NLGN1: variants seen among roughly 807,000 people sequenced by gnomAD.
The protein encoded by NLGN1 is neuroligin 1, also known as neuroligin-1.
Under a neutral mutation model 65.5 loss-of-function variants are expected in NLGN1, and 12 were observed. The observed-to-expected ratio is 0.18, with a 90% CI of 0.12 to 0.30. NLGN1 has a LOEUF of 0.30. Ranked by LOEUF, NLGN1 falls within the 10% of genes least tolerant of loss-of-function variation. The pLI is 1.00. For missense variants in NLGN1, 750 were observed against 1,007.1 expected (o/e 0.74, Z 3.46); for synonymous variants, 350 against 359.5 (o/e 0.97, Z 0.30).
At chr3:174,077,716 C>A (rs1741308778) in intron 4 of NLGN1, among the ~76,000 whole-genome samples, 1 of 152,032 alleles carries the variant, frequency 6.6e-6, no homozygotes, top group African/African-American at 2.4e-5. Context: ...CCACCACGCC[C>A]AGCCAATTTT....
chr3:173,841,114 C>T lies in NLGN1; in HGVS notation c.646+33282C>T, dbSNP rs186924484. 4.6e-3 allele frequency among the ~76,000 whole-genome samples: 662 copies of T among 144,512 alleles called. 6 individuals carry two copies. Among genetic ancestry groups the T allele is most frequent in the African/African-American group, 0.017 (618 of 36,822 alleles). The allele number at this position is 144,512 out of a possible 152,430, so 94.8% of individuals were successfully genotyped here. A position where few individuals can be genotyped will look rare whatever the true frequency, so the allele number is the denominator to read the frequency against. On this transcript the variant is annotated intron_variant, in intron 4 of 6. Coordinates refer to ENST00000457714, the Ensembl canonical transcript of NLGN1. ...TTCTTAGAAATACTTTAAAACTCTA[C>T]CAAATAAATTATCATTGTATCTATA...
chr3:173,646,697 A>T (rs1352000178), intron 3 of NLGN1, among the ~76,000 whole-genome samples: 1 of 152,176 alleles, frequency 6.6e-6, no homozygotes, highest in Non-Finnish European at 1.5e-5. Context: ...AAAGAGTTAC[A>T]CCTAATAAGC....
intron 3 of NLGN1, among the ~76,000 whole-genome samples, chr3:173,655,249 TA>T (rs1303867458): frequency 6.6e-6 from 1 of 152,142 alleles, no homozygotes; most frequent in Admixed American, 6.6e-5. Context: ...GCTGTTTCTT[TA>T]CATAAACTCT....
At chr3:173,399,837 T>A (rs1001736684) in intron 1 of NLGN1, 9 of 152,208 alleles carry the variant, frequency 5.9e-5, no homozygotes, top group African/African-American at 1.4e-4. Flanking sequence ...TTTTATAAAA[T>A]TTTTCACATA....
intron 3 of NLGN1, among the ~76,000 whole-genome samples, chr3:173,633,106 G>A (rs1379299628): frequency 1.3e-5 from 2 of 152,080 alleles, no homozygotes. Flanking sequence ...GGAACTAGAA[G>A]TACTTTAGCT....
chr3:173,672,425 A>G (rs148590514), intron 3 of NLGN1, among the ~76,000 whole-genome samples: 17 of 152,334 alleles, frequency 1.1e-4, no homozygotes, highest in African/African-American at 4.1e-4. Context: ...ATTGTTTACA[A>G]CAGAGTCTGT....
At chr3:173,791,817 G>A (rs1254648911) in intron 3 of NLGN1, among the ~76,000 whole-genome samples, 1 of 152,012 alleles carries the variant, frequency 6.6e-6, no homozygotes, top group Non-Finnish European at 1.5e-5. Flanking sequence ...CTTCTGACTA[G>A]CTGTGAGTCC....
chr3:173,531,945 G>T (rs1450298052), intron 2 of NLGN1, among the ~76,000 whole-genome samples: 1 of 152,064 alleles, frequency 6.6e-6, no homozygotes, highest in Non-Finnish European at 1.5e-5. Flanking sequence ...GGGCTCTTCA[G>T]CCAAAGTGGA....
intron 4 of NLGN1, among the ~76,000 whole-genome samples, chr3:174,110,663 G>A (rs555217942): frequency 6.6e-6 from 1 of 152,028 alleles, no homozygotes; most frequent in African/African-American, 2.4e-5. Flanking sequence ...AAGCGTTAAA[G>A]GACATTTGCT....
intron 4 of NLGN1, among the ~76,000 whole-genome samples, chr3:174,068,612 G>A (rs1739166109): frequency 6.6e-6 from 1 of 151,986 alleles, no homozygotes. Context: ...TTGCTTAACA[G>A]AAATATTTGC....
intron 4 of NLGN1, among the ~76,000 whole-genome samples, chr3:173,889,723 G>T (rs1051641493): frequency 6.6e-6 from 1 of 152,096 alleles, no homozygotes. Context: ...TTGTTTGCCT[G>T]CCAACAGCAG....
At chr3:173,652,064 C>T (rs535457541) in intron 3 of NLGN1, among the ~76,000 whole-genome samples, 5 of 151,994 alleles carry the variant, frequency 3.3e-5, no homozygotes, top group South Asian at 4.1e-4. Flanking sequence ...AATGTGCTGG[C>T]GTTACAGGTG....
At chr3:174,239,819 C>G (rs1373735087) in intron 4 of NLGN1, among the ~76,000 whole-genome samples, 1 of 151,664 alleles carries the variant, frequency 6.6e-6, no homozygotes, top group Admixed American at 6.6e-5. Context: ...CATATTTTGA[C>G]CAACTGCAGG....
intron 4 of NLGN1, among the ~76,000 whole-genome samples, chr3:174,259,018 A>G (rs1746335416): frequency 6.6e-6 from 1 of 152,182 alleles, no homozygotes; most frequent in African/African-American, 2.4e-5. Context: ...AATCAGTCAG[A>G]ATAGCTTTTA....
chr3:173,770,099 C>A (rs75437696), intron 3 of NLGN1, among the ~76,000 whole-genome samples: 2 of 152,124 alleles, frequency 1.3e-5, no homozygotes, highest in Admixed American at 1.3e-4. Flanking sequence ...AAAGATAATT[C>A]TCAAGCCATT....
intron 2 of NLGN1, among the ~76,000 whole-genome samples, chr3:173,593,983 C>T (rs1417109511): frequency 6.6e-6 from 1 of 152,162 alleles, no homozygotes; most frequent in Non-Finnish European, 1.5e-5. Context: ...AATTATCTCC[C>T]ACTGGGTCCC....
intron 3 of NLGN1, among the ~76,000 whole-genome samples, chr3:173,688,060 T>C (rs1764930800): frequency 6.6e-6 from 1 of 152,166 alleles, no homozygotes; most frequent in East Asian, 1.9e-4. Flanking sequence ...ATACACAAAA[T>C]TGTATGTATT....
chr3:173,525,705 T>A (rs1322411776), intron 2 of NLGN1, among the ~76,000 whole-genome samples: 1 of 152,154 alleles, frequency 6.6e-6, no homozygotes, highest in East Asian at 1.9e-4. Flanking sequence ...TAATTTGAGA[T>A]CTTTCTATCT....
chr3:173,827,629 ATGTGTGTGTGTGTG>A (rs59670610), intron 4 of NLGN1, among the ~76,000 whole-genome samples: 83 of 146,716 alleles, frequency 5.7e-4, no homozygotes, highest in Admixed American at 6.8e-4. Context: ...TATTTATGAT[ATGTGTGTGTGTGTG>A]TGTGTGTGTG....
Sources: gnomAD v4.1 joint callset for allele counts (sites outside exome capture counted in the v4.1 genomes callset) on GRCh38, gnomAD v4.1.1 for gene constraint, MANE v1.5 for transcripts, NCBI Gene and HGNC (gene_info 2026-07-23, HGNC 2026-07-21) for gene names.